Variants in FBXL7 observed in about 807,000 individuals in gnomAD.
FBXL7 encodes the protein F-box/LRR-repeat protein 7.
In FBXL7, 12 loss-of-function variants were observed where a neutral mutation model predicts 38.3. The observed-to-expected ratio is 0.31, with a 90% CI of 0.20 to 0.51. FBXL7 has a LOEUF of 0.51. Ranked by LOEUF, FBXL7 falls within the 20% of genes least tolerant of loss-of-function variation. FBXL7 has a pLI of 0.98. For missense variants in FBXL7, 567 were observed against 676.4 expected, an observed-to-expected ratio of 0.84 and a Z score of 1.79; for synonymous variants, 297 against 300.9, an observed-to-expected ratio of 0.99 and a Z score of 0.13.
chr5:15,781,691 C>T (rs1228005009), intron 2 of FBXL7, among the ~76,000 whole-genome samples: 1 of 151,822 alleles, frequency 6.6e-6, no homozygotes, highest in Non-Finnish European at 1.5e-5. Flanking sequence ...ATAAAAAGTA[C>T]TTTAAATGTA....
At chr5:15,840,191 C>T (rs1561146658) in intron 2 of FBXL7, among the ~76,000 whole-genome samples, 1 of 152,138 alleles carries the variant, frequency 6.6e-6, no homozygotes, top group Non-Finnish European at 1.5e-5. Flanking sequence ...TCCTAGAAGA[C>T]CTCAGGCTGC....
At chr5:15,824,422 G>A (rs916065453) in intron 2 of FBXL7, among the ~76,000 whole-genome samples, 3 of 151,878 alleles carry the variant, frequency 2.0e-5, no homozygotes, top group African/African-American at 2.4e-5. Flanking sequence ...GGCACTTCCC[G>A]GCCCAGTCTG....
intron 2 of FBXL7, among the ~76,000 whole-genome samples, chr5:15,901,376 A>G (rs1440144919): frequency 6.6e-6 from 1 of 152,198 alleles, no homozygotes; most frequent in Non-Finnish European, 1.5e-5. Context: ...AATTCCATTC[A>G]TGAAGGTTCT....
chr5:15,760,939 GA>G (rs573442571), intron 2 of FBXL7, among the ~76,000 whole-genome samples: 2,905 of 141,234 alleles, frequency 0.021, 52 homozygotes, highest in Non-Finnish European at 0.023. Flanking sequence ...GAATGAGACA[GA>G]AAAAAAAAAA....
rs547420136 is a variant in FBXL7 at position 15,531,049 on chromosome 5, T to G, written c.37+30336T>G. On this transcript the variant is annotated intron_variant, in intron 1 of 3. Transcript: ENST00000504595. Reference sequence around the variant, plus strand: ...CCGTAGATCTATAGAACATACACATTGGAAAAGAATCAAAATCAAGTGCAT... The same window carrying G: ...CCGTAGATCTATAGAACATACACATGGGAAAAGAATCAAAATCAAGTGCAT... Among the ~76,000 whole-genome samples, 32 of 152,256 alleles carry G rather than the reference T, an allele frequency of 2.1e-4. 1 individual carries two copies. The South Asian group carries it at 6.6e-3, about 32-fold the overall frequency.
At chr5:15,726,295 A>G (rs906926075) in intron 2 of FBXL7, among the ~76,000 whole-genome samples, 5 of 152,202 alleles carry the variant, frequency 3.3e-5, no homozygotes, top group African/African-American at 1.2e-4. Flanking sequence ...GCACATGGCT[A>G]TTGTCCCAGC....
chr5:15,890,209 G>A (rs1303700446), intron 2 of FBXL7, among the ~76,000 whole-genome samples: 1 of 151,994 alleles, frequency 6.6e-6, no homozygotes, highest in African/African-American at 2.4e-5. Context: ...ATTACCACCT[G>A]AGCTCCACCA....
intron 1 of FBXL7, among the ~76,000 whole-genome samples, chr5:15,543,345 C>A (rs1737809466): frequency 6.6e-6 from 1 of 151,922 alleles, no homozygotes; most frequent in African/African-American, 2.4e-5. Flanking sequence ...TCACTACTAC[C>A]AGAATGGTAT....
intron 2 of FBXL7, among the ~76,000 whole-genome samples, chr5:15,869,427 A>T (rs890780656): frequency 2.0e-5 from 3 of 152,134 alleles, no homozygotes; most frequent in Non-Finnish European, 4.4e-5. Context: ...CGGCCGACAC[A>T]TGTGGCCCTG....
chr5:15,710,580 C>T (rs142640414), intron 2 of FBXL7, among the ~76,000 whole-genome samples: 2 of 152,294 alleles, frequency 1.3e-5, no homozygotes, highest in African/African-American at 4.8e-5. Context: ...ATTAATGTCT[C>T]TCTCTTCCCC....
intron 2 of FBXL7, among the ~76,000 whole-genome samples, chr5:15,714,216 C>T (rs1050938665): frequency 2.0e-5 from 3 of 152,130 alleles, no homozygotes; most frequent in Non-Finnish European, 4.4e-5. Context: ...TTTCTTCTTG[C>T]TGTTCTCCTA....
At chr5:15,686,321 A>C (rs1743015201) in intron 2 of FBXL7, among the ~76,000 whole-genome samples, 1 of 152,164 alleles carries the variant, frequency 6.6e-6, no homozygotes. Flanking sequence ...TTCATTGTGT[A>C]TTTAGATTTA....
intron 1 of FBXL7, among the ~76,000 whole-genome samples, chr5:15,530,189 A>T (rs560194886): frequency 2.0e-5 from 3 of 152,312 alleles, no homozygotes; most frequent in African/African-American, 7.2e-5. Flanking sequence ...CTTACTTTAC[A>T]TTAAGTGAGA....
intron 1 of FBXL7, among the ~76,000 whole-genome samples, chr5:15,543,497 T>C (rs1185141093): frequency 6.6e-6 from 1 of 152,158 alleles, no homozygotes; most frequent in African/African-American, 2.4e-5. Flanking sequence ...TCAACAATCA[T>C]AGATGCTGTT....
intron 2 of FBXL7, among the ~76,000 whole-genome samples, chr5:15,885,418 C>G (rs1740635697): frequency 6.6e-6 from 1 of 152,120 alleles, no homozygotes; most frequent in African/African-American, 2.4e-5. Context: ...AGAGACACAC[C>G]ACTGCATCCA....
intron 2 of FBXL7, among the ~76,000 whole-genome samples, chr5:15,825,983 A>G (rs541503993): frequency 1.1e-4 from 17 of 152,316 alleles, no homozygotes; most frequent in Admixed American, 9.2e-4. Flanking sequence ...AGTATATCCT[A>G]TAAGCTTCCT....
At chr5:15,626,572 GTA>G (rs201327349) in intron 2 of FBXL7, among the ~76,000 whole-genome samples, 9 of 151,702 alleles carry the variant, frequency 5.9e-5, no homozygotes, top group African/African-American at 2.2e-4. Flanking sequence ...GTGTGTGTGT[GTA>G]TGTGTACACC....
intron 1 of FBXL7, among the ~76,000 whole-genome samples, chr5:15,526,876 G>C (rs1013813957): frequency 5.9e-5 from 9 of 152,094 alleles, no homozygotes; most frequent in Non-Finnish European, 1.3e-4. Context: ...GATGGATTTT[G>C]GCCTTCCTAG....
intron 2 of FBXL7, among the ~76,000 whole-genome samples, chr5:15,758,085 CATG>C (rs1194050141): frequency 1.3e-5 from 2 of 152,040 alleles, no homozygotes; most frequent in Non-Finnish European, 2.9e-5. Context: ...AGGCAGAAAA[CATG>C]ATGACCACCA....
Sources: gnomAD v4.1 joint callset for allele counts (sites outside exome capture counted in the v4.1 genomes callset) on GRCh38, gnomAD v4.1.1 for gene constraint, MANE v1.5 for transcripts, NCBI Gene and HGNC (gene_info 2026-07-23, HGNC 2026-07-21) for gene names.